Variants in USH2A observed in about 807,000 individuals in gnomAD.
USH2A encodes usherin, also known as Usher syndrome 2A (autosomal recessive, mild).
USH2A carries 443 observed loss-of-function variants against 538.9 expected under a neutral mutation model. The ratio of observed to expected loss-of-function variants is 0.82; its 90% CI spans 0.76 to 0.89. USH2A has a LOEUF of 0.89. USH2A is among the 40% of genes least tolerant of loss of function. The probability of loss-of-function intolerance (pLI) is 0.00; values close to 1 mark genes in which losing one functional copy is unlikely to be tolerated. For synonymous variants in USH2A, 2,413 were observed against 2,273.5 expected (o/e 1.06, Z -1.75); for missense variants, 6,633 against 6,324.8 (o/e 1.05, Z -1.65).
chr1:215,828,318 T>A lies in USH2A; in HGVS notation c.9371+9673A>T, dbSNP rs1663212149. On this transcript the variant is annotated intron_variant, in intron 47 of 71. Coordinates refer to ENST00000307340, the MANE Select transcript of USH2A (RefSeq NM_206933.4). The stretch of plus-strand genomic sequence containing the variant: ...TAATTTTAAAAATGTATTAGCTGGG[T>A]GTGGTGGCATATGCCTATTGTCCCA... 2.0e-5 allele frequency among the ~76,000 whole-genome samples: 3 copies of A among 151,934 alleles called. No homozygotes were observed. The South Asian group carries it at 6.2e-4, about 32-fold the overall frequency.
At chr1:216,003,403 C>T (rs1453521867) in intron 32 of USH2A, among the ~76,000 whole-genome samples, 1 of 152,016 alleles carries the variant, frequency 6.6e-6, no homozygotes, top group African/African-American at 2.4e-5. Context: ...AAAACTGCTG[C>T]AGAAAACACA....
intron 44 of USH2A, among the ~76,000 whole-genome samples, chr1:215,856,560 A>G (rs1479849594): frequency 6.6e-6 from 1 of 152,206 alleles, no homozygotes; most frequent in East Asian, 1.9e-4. Flanking sequence ...AGACCTTGGC[A>G]TAGATGTGAT....
At chr1:216,282,493 C>T (rs2036802144) in intron 11 of USH2A, among the ~76,000 whole-genome samples, 1 of 152,170 alleles carries the variant, frequency 6.6e-6, no homozygotes, top group Non-Finnish European at 1.5e-5. Context: ...TACACTTTCT[C>T]CACTGAACTG....
At chr1:215,749,300 C>T (rs573192982) in intron 58 of USH2A, among the ~76,000 whole-genome samples, 5 of 152,242 alleles carry the variant, frequency 3.3e-5, no homozygotes, top group South Asian at 2.1e-4. Flanking sequence ...GTGCTTCTAC[C>T]GCATGTCAAA....
chr1:215,726,135 A>G (rs1460395315), intron 61 of USH2A, among the ~76,000 whole-genome samples: 2 of 152,176 alleles, frequency 1.3e-5, no homozygotes, highest in African/African-American at 2.4e-5. Flanking sequence ...GCTATTAACA[A>G]GGGTGTTTCA....
Position 215,934,687 on chromosome 1 carries a change from A to G in USH2A, c.7229T>C (p.Val2410Ala). 5 of 1,612,886 alleles carry G rather than the reference A, an allele frequency of 3.1e-6. No homozygotes were observed. Among genetic ancestry groups the G allele is most frequent in the Non-Finnish European group, 4.2e-6 (5 of 1,179,152 alleles). The part of the protein sequence containing the change: ...DGLVPFTNYT[V>A]QVNISNSQGS... Reference sequence around the variant, plus strand: ...TTGGCTATTTGAAATATTCACTTGTACAGTATAGTTGGTAAAAGGAACCAG... The same window carrying G: ...TTGGCTATTTGAAATATTCACTTGTGCAGTATAGTTGGTAAAAGGAACCAG... The change falls in exon 38 of 72, where the codon GTA (valine) becomes GCA (alanine). Residue 2410 changes from valine (V) to alanine (A), a missense_variant. Transcript: ENST00000307340.
At chr1:215,631,533 CAGA>C (rs1196213415) in intron 70 of USH2A, among the ~76,000 whole-genome samples, 26 of 152,214 alleles carry the variant, frequency 1.7e-4, no homozygotes, top group African/African-American at 6.3e-4. Flanking sequence ...TAAAAAGCAA[CAGA>C]AGAAGACTTG....
rs748794689 is a variant in USH2A, at chr1:216,097,128, T to G, written c.4713A>C (p.Ala1571=). The change falls in exon 22 of 72, where the codon GCA becomes GCC. Residue 1571 remains alanine (A), a synonymous_variant. Coordinates refer to ENST00000307340, the MANE Select transcript of USH2A (RefSeq NM_206933.4). The stretch of plus-strand genomic sequence containing the variant: ...AAAGACGTCCCTTCTTCAACTGAAG[T>G]GCAAAATACTCTTCCTGATTGCCAG... The part of the protein sequence containing the change: ...ASPGNQEEYF[A]LQLKKGRLYF... The G allele has an allele frequency of 3.1e-6, 5 of 1,614,126 alleles. No individual in the cohort carries two copies. The highest frequency in any genetic ancestry group is 1.7e-5 in the Admixed American group (1 of 60,014).
intron 50 of USH2A, among the ~76,000 whole-genome samples, chr1:215,792,520 A>C (rs1291748482): frequency 6.6e-6 from 1 of 152,186 alleles, no homozygotes; most frequent in Non-Finnish European, 1.5e-5. Flanking sequence ...TAGTAATTTC[A>C]CTTAATGGCC....
At chr1:215,815,239 C>T (rs773081978) in intron 48 of USH2A, among the ~76,000 whole-genome samples, 1 of 151,968 alleles carries the variant, frequency 6.6e-6, no homozygotes, top group Non-Finnish European at 1.5e-5. Context: ...TAGTGTGTCT[C>T]GTTTTAGTGT....
intron 61 of USH2A, among the ~76,000 whole-genome samples, chr1:215,705,324 T>C (rs1471185780): frequency 2.0e-5 from 3 of 152,238 alleles, no homozygotes; most frequent in Non-Finnish European, 2.9e-5. Context: ...TTGTGTATAC[T>C]TTTTATTTTA....
intron 4 of USH2A, among the ~76,000 whole-genome samples, chr1:216,347,387 A>G (rs2038198565): frequency 6.6e-6 from 1 of 152,200 alleles, no homozygotes; most frequent in East Asian, 1.9e-4. Context: ...ATTTTGTGAT[A>G]TCCAGTGTTT....
Position 215,625,717 on chromosome 1 carries a change from T to G in USH2A, c.*64A>C, listed in dbSNP as rs1301180752. Reference sequence around the variant, plus strand: ...TTCAGCATTTATGATGTGTGAGTGATAACCCAGGAGGAAATGGGTGCAGAC... The same window carrying G: ...TTCAGCATTTATGATGTGTGAGTGAGAACCCAGGAGGAAATGGGTGCAGAC... On this transcript the variant is annotated 3_prime_UTR_variant, in exon 72 of 72. Coordinates refer to ENST00000307340, the MANE Select transcript of USH2A (RefSeq NM_206933.4). 6.9e-7 allele frequency: 1 copy of G among 1,449,252 alleles called. No homozygotes were observed. The highest frequency in any genetic ancestry group is 1.7e-5 in the Admixed American group (1 of 59,672). 89.8% of individuals were successfully genotyped at this position (1,449,252 alleles called of 1,614,324 possible). A position where few individuals can be genotyped will look rare whatever the true frequency, so the allele number is the denominator to read the frequency against.
At chr1:216,298,621 A>G (rs1206391484) in intron 9 of USH2A, among the ~76,000 whole-genome samples, 1 of 152,070 alleles carries the variant, frequency 6.6e-6, no homozygotes, top group Non-Finnish European at 1.5e-5. Context: ...TATATGGATA[A>G]CCTGTTCTGT....
rs1403829148 is a variant in USH2A at position 216,246,897 on chromosome 1, T to C, written c.2497A>G (p.Asn833Asp). The change falls in exon 13 of 72, where the codon AAC (asparagine) becomes GAC (aspartate). Residue 833 changes from asparagine to aspartate, a missense_variant. By Grantham distance (23) the Asn-to-Asp change is conservative. Transcript: ENST00000307340. ...GAATTATTTTGCCGTAGGTAGAAGT[T>C]TCCCTCCAAACATTTATTGCACTGT... ...GRQCNKCLEG[N>D]FYLRQNNSFL... 2 of 1,614,170 alleles carry C rather than the reference T, an allele frequency of 1.2e-6. No individual in the cohort carries two copies. Among genetic ancestry groups the C allele is most frequent in the Non-Finnish European group, 1.7e-6 (2 of 1,179,998 alleles).
intron 47 of USH2A, 42 bp downstream of exon 47, chr1:215,837,949 T>C (rs1275563329): frequency 4.8e-6 from 7 of 1,444,822 alleles, no homozygotes; most frequent in Non-Finnish European, 6.8e-6. Flanking sequence ...TCATTTCTTC[T>C]GATCAGAGTT....
rs779194517 is a variant in USH2A, at chr1:215,675,542, A to G, written c.12369T>C (p.Asp4123=). The change falls in exon 63 of 72, where the codon GAT becomes GAC. Residue 4123 remains aspartate (D), a synonymous_variant. Coordinates refer to ENST00000307340, the MANE Select transcript of USH2A (RefSeq NM_206933.4). ...LNRQFLFRRL[D]PFTLYTLTLE... is the part of the protein sequence containing the mutation. Reference sequence around the variant, plus strand: ...GGGTCAGTGTGTAGAGAGTGAAAGGATCCAGGCGGCGGAAGAGAAACTGAC... The same window carrying G: ...GGGTCAGTGTGTAGAGAGTGAAAGGGTCCAGGCGGCGGAAGAGAAACTGAC... 9.9e-6 allele frequency: 16 copies of G among 1,613,924 alleles called. No homozygotes were observed. The Admixed American group carries it at 2.7e-4, about 27-fold the overall frequency.
At chr1:216,407,820 A>G (rs1465965950) in intron 3 of USH2A, among the ~76,000 whole-genome samples, 1 of 152,160 alleles carries the variant, frequency 6.6e-6, no homozygotes, top group Non-Finnish European at 1.5e-5. Flanking sequence ...AATATAAATG[A>G]CAATTCCATT....
chr1:216,296,973 G>T (rs995086740), intron 9 of USH2A, among the ~76,000 whole-genome samples: 3 of 151,730 alleles, frequency 2.0e-5, no homozygotes, highest in African/African-American at 7.3e-5. Flanking sequence ...AACATCAAAT[G>T]CATACTCTCA....
Sources: gnomAD v4.1 joint callset for allele counts (sites outside exome capture counted in the v4.1 genomes callset) on GRCh38, gnomAD v4.1.1 for gene constraint, MANE v1.5 for transcripts, NCBI Gene and HGNC (gene_info 2026-07-23, HGNC 2026-07-21) for gene names.